The following METTL21C variants were observed in gnomAD, a reference collection of about 807,000 sequenced individuals.
The protein encoded by METTL21C is methyltransferase 21C, AARS1 lysine.
METTL21C carries 21 observed loss-of-function variants against 25.9 expected under a neutral mutation model. That is an observed-to-expected ratio of 0.81 (90% CI 0.58 to 1.17). The LOEUF is 1.17. Ranked by LOEUF, METTL21C falls within the 50% of genes most tolerant of loss-of-function variation. The pLI is 0.00. For missense variants in METTL21C, 312 were observed against 315.1 expected, an observed-to-expected ratio of 0.99 and a Z score of 0.07; for synonymous variants, 125 against 124.7, an observed-to-expected ratio of 1.00 and a Z score of -0.01.
intron 1 of METTL21C, among the ~76,000 whole-genome samples, chr13:102,692,183 T>G (rs1479822097): frequency 6.6e-6 from 1 of 152,082 alleles, no homozygotes; most frequent in Non-Finnish European, 1.5e-5. Flanking sequence ...ACATTGGAAG[T>G]GTTTTAATCT....
upstream of METTL21C, among the ~76,000 whole-genome samples, chr13:102,699,590 C>T (rs1265698785): frequency 6.6e-6 from 1 of 152,210 alleles, no homozygotes; most frequent in Non-Finnish European, 1.5e-5. Flanking sequence ...GGAATTCCCT[C>T]CCAGAGAAGT....
At chr13:102,701,116 T>G in the METTL21C span, among the ~76,000 whole-genome samples, 8 of 151,952 alleles carry the variant, frequency 5.3e-5, no homozygotes, top group African/African-American at 9.7e-5. Flanking sequence ...TCCCCTGTTC[T>G]AGGGGAAGGA....
the METTL21C span, among the ~76,000 whole-genome samples, chr13:102,703,145 T>C: frequency 6.6e-6 from 1 of 152,234 alleles, no homozygotes; most frequent in African/African-American, 2.4e-5. Flanking sequence ...CATTTACCAA[T>C]GACACCTTTC....
chr13:102,686,512 A>T lies in METTL21C; in HGVS notation c.401-87T>A, dbSNP rs1885679154. 4 of 1,453,296 alleles carry T rather than the reference A, an allele frequency of 2.8e-6. No homozygotes were observed. The Admixed American group carries it at 9.1e-5, about 33-fold the overall frequency. 90.0% of individuals were successfully genotyped at this position (1,453,296 alleles called of 1,614,324 possible). Reference sequence around the variant, plus strand: ...AGGGAGAAACACAAGAAACAACTGGATTCCTTAGCCTTGGCTCTATTGGTG... The same window carrying T: ...AGGGAGAAACACAAGAAACAACTGGTTTCCTTAGCCTTGGCTCTATTGGTG... On this transcript the variant is annotated intron_variant, in intron 3 of 3. Transcript: ENST00000267273.
chr13:102,704,051 AAACT>A, the METTL21C span, among the ~76,000 whole-genome samples: 5 of 152,330 alleles, frequency 3.3e-5, no homozygotes, highest in Admixed American at 6.5e-5. Flanking sequence ...AGCAGCAAAC[AAACT>A]GTCACCATTT....
intron 2 of METTL21C, among the ~76,000 whole-genome samples, chr13:102,687,794 A>T (rs543840429): frequency 1.2e-3 from 186 of 152,296 alleles, no homozygotes; most frequent in Non-Finnish European, 2.5e-3. Context: ...AGATTTTTTT[A>T]AATGTTTTAT....
upstream of METTL21C, among the ~76,000 whole-genome samples, chr13:102,697,319 T>C (rs1885963146): frequency 6.6e-6 from 1 of 151,826 alleles, no homozygotes. Context: ...CATTCAGCAA[T>C]TTGGGGGAGA....
At chr13:102,689,055 G>A (rs753457256) in intron 2 of METTL21C, among the ~76,000 whole-genome samples, 18 of 151,912 alleles carry the variant, frequency 1.2e-4, no homozygotes, top group Admixed American at 2.0e-4. Context: ...TAAAACAGGG[G>A]GACAAATATT....
chr13:102,686,990 A>G lies in METTL21C; in HGVS notation c.350T>C (p.Leu117Pro). The G allele has an allele frequency of 1.2e-6, 2 of 1,614,184 alleles. No homozygotes were observed. The highest frequency in any genetic ancestry group is 1.1e-5 in the South Asian group (1 of 91,078). ...AAGGCCTGGTCCGGCACCAATTTCA[A>G]GTATTTTTGCATCTTGGAAATTCAA... ...EELNFQDAKI[L>P]EIGAGPGLVS... Residue 117 changes from leucine (L) to proline (P), a missense_variant, in exon 3 of 4, where the codon CTT (leucine) becomes CCT (proline). Coordinates refer to ENST00000267273, the MANE Select transcript of METTL21C (RefSeq NM_001010977.3).
chr13:102,688,215 G>A (rs1379249214), intron 2 of METTL21C, among the ~76,000 whole-genome samples: 2 of 152,192 alleles, frequency 1.3e-5, no homozygotes, highest in Non-Finnish European at 2.9e-5. Flanking sequence ...GATTGGAGAC[G>A]TGTCACTCTT....
upstream of METTL21C, among the ~76,000 whole-genome samples, chr13:102,697,683 G>GC (rs2138895119): frequency 6.6e-6 from 1 of 152,230 alleles, no homozygotes; most frequent in South Asian, 2.1e-4. Flanking sequence ...CATCCCAGAA[G>GC]CCCCCATCTT....
upstream of METTL21C, among the ~76,000 whole-genome samples, chr13:102,697,221 C>G (rs1354092857): frequency 1.3e-5 from 2 of 152,126 alleles, no homozygotes; most frequent in Admixed American, 6.5e-5. Context: ...CTCTCTCTGT[C>G]AGGATGGGCA....
chr13:102,701,287 G>A, the METTL21C span, among the ~76,000 whole-genome samples: 2 of 152,144 alleles, frequency 1.3e-5, no homozygotes, highest in Admixed American at 6.5e-5. Flanking sequence ...GCCTAGATGC[G>A]CCTCTTCAGC....
chr13:102,689,660 C>T (rs1441000874), intron 2 of METTL21C, among the ~76,000 whole-genome samples: 3 of 152,194 alleles, frequency 2.0e-5, no homozygotes, highest in African/African-American at 7.2e-5. Flanking sequence ...TGACAACATC[C>T]GCAGTGGGAA....
chr13:102,697,631 G>T (rs1312507833), upstream of METTL21C, among the ~76,000 whole-genome samples: 1 of 152,130 alleles, frequency 6.6e-6, no homozygotes, highest in African/African-American at 2.4e-5. Flanking sequence ...TGCATTGATA[G>T]AGGGATTAAC....
chr13:102,694,896 TCTCTCA>T lies in METTL21C; in HGVS notation c.-404_-399del, dbSNP rs1452312847. Among the ~76,000 whole-genome samples, 312 of 142,468 alleles carry T rather than the reference TCTCTCA, an allele frequency of 2.2e-3. No individual in the cohort carries two copies. Among genetic ancestry groups the T allele is most frequent in the African/African-American group, 3.4e-3 (129 of 37,548 alleles). 93.5% of individuals were successfully genotyped at this position (142,468 alleles called of 152,430 possible). On this transcript the variant is annotated 5_prime_UTR_variant, in exon 1 of 4. It removes the in-frame stop codon of an upstream open reading frame in the 5' UTR. Coordinates refer to ENST00000267273, the MANE Select transcript of METTL21C (RefSeq NM_001010977.3). ...CTTTCTCTCTCTCTCTCTCTCTCTC[TCTCTCA>T]CACACACACACACACACACACACAC...
chr13:102,693,252 T>A (rs1187469059), intron 1 of METTL21C, among the ~76,000 whole-genome samples: 1 of 152,254 alleles, frequency 6.6e-6, no homozygotes, highest in Non-Finnish European at 1.5e-5. Flanking sequence ...TTGCTTTTAA[T>A]ATACCTTTGT....
chr13:102,702,671 A>G, the METTL21C span, among the ~76,000 whole-genome samples: 4 of 151,930 alleles, frequency 2.6e-5, no homozygotes, highest in Non-Finnish European at 5.9e-5. Context: ...CACTGCAGCA[A>G]CCTCCGCTTC....
At chr13:102,695,549 T>C (rs1168286163), upstream of METTL21C, among the ~76,000 whole-genome samples, 1 of 152,208 alleles carries the variant, frequency 6.6e-6, no homozygotes, top group Non-Finnish European at 1.5e-5. Context: ...TGTTTTAACC[T>C]GAGTAGATAT....
Sources: allele counts gnomAD v4.1 joint callset (sites outside exome capture counted in the v4.1 genomes callset), GRCh38; gene constraint gnomAD v4.1.1; transcripts MANE v1.5; gene names NCBI Gene and HGNC (gene_info 2026-07-23, HGNC 2026-07-21).